COL19A1: variants seen among roughly 807,000 people sequenced by gnomAD.
The protein encoded by COL19A1 is collagen alpha-1(XIX) chain.
Under a neutral mutation model 190.2 loss-of-function variants are expected in COL19A1, and 159 were observed. That is an observed-to-expected ratio of 0.84 (90% CI 0.73 to 0.95). The LOEUF (loss-of-function observed/expected upper bound fraction) is 0.95. COL19A1 is among the 40% of genes least tolerant of loss of function. The pLI, the probability that COL19A1 is intolerant of heterozygous loss-of-function variation, is 0.00. For missense variants in COL19A1, 1,418 were observed against 1,431.9 expected, an observed-to-expected ratio of 0.99 and a Z score of 0.16; for synonymous variants, 509 against 458.9, an observed-to-expected ratio of 1.11 and a Z score of -1.39.
chr6:69,894,970 A>G lies in COL19A1; in HGVS notation c.92-3978A>G, dbSNP rs73749320. On this transcript the variant is annotated intron_variant, in intron 2 of 50. Transcript: ENST00000620364. ...TGGAGTGGAGAGGAGGAAAGAAAAA[A>G]CATTTTTTAATGCTTGAGGAAGAAC... 7.7e-3 allele frequency among the ~76,000 whole-genome samples: 1,179 copies of G among 152,338 alleles called. 17 individuals carry two copies. Among genetic ancestry groups the G allele is most frequent in the African/African-American group, 0.026 (1,096 of 41,570 alleles).
At chr6:70,153,320 A>C (rs1787195914) in intron 31 of COL19A1, among the ~76,000 whole-genome samples, 1 of 152,176 alleles carries the variant, frequency 6.6e-6, no homozygotes, top group African/African-American at 2.4e-5. Flanking sequence ...TGATTAAAGT[A>C]TTAAAAAGAA....
At chr6:70,022,519 G>C (rs79931683) in intron 11 of COL19A1, among the ~76,000 whole-genome samples, 1 of 152,060 alleles carries the variant, frequency 6.6e-6, no homozygotes, top group Non-Finnish European at 1.5e-5. Context: ...ATGTAGAAAG[G>C]CATTTTCAAA....
intron 3 of COL19A1, 143 bp downstream of exon 3, chr6:69,899,165 ATTTTTT>A: frequency 7.0e-6 from 3 of 425,908 alleles, no homozygotes; most frequent in Non-Finnish European, 1.3e-5. Context: ...ATTCTTTTTA[ATTTTTT>A]TTTTTTTTTT....
At chr6:70,192,117 A>G (rs1005660078) in intron 48 of COL19A1, among the ~76,000 whole-genome samples, 1 of 151,994 alleles carries the variant, frequency 6.6e-6, no homozygotes, top group Non-Finnish European at 1.5e-5. Context: ...CTGGAGTGCA[A>G]TGACGCGATC....
At chr6:69,992,778 T>C (rs149986916) in intron 11 of COL19A1, among the ~76,000 whole-genome samples, 325 of 152,240 alleles carry the variant, frequency 2.1e-3, no homozygotes, top group African/African-American at 7.6e-3. Context: ...TCTATGGGAA[T>C]GCTACTGATT....
intron 15 of COL19A1, among the ~76,000 whole-genome samples, chr6:70,068,947 T>C (rs1336466360): frequency 1.3e-5 from 2 of 152,100 alleles, no homozygotes; most frequent in Non-Finnish European, 2.9e-5. Context: ...ATCGTTGGAA[T>C]TGGTAGTAGA....
intron 16 of COL19A1, among the ~76,000 whole-genome samples, chr6:70,106,282 G>A (rs923079656): frequency 6.6e-6 from 1 of 151,698 alleles, no homozygotes; most frequent in Non-Finnish European, 1.5e-5. Context: ...GTACCAAAAG[G>A]ACAACTTGTT....
intron 11 of COL19A1, among the ~76,000 whole-genome samples, chr6:69,998,525 A>T (rs1482401241): frequency 6.6e-6 from 1 of 151,840 alleles, no homozygotes; most frequent in African/African-American, 2.4e-5. Flanking sequence ...GCATACCTGT[A>T]ATCCCAGCAA....
At chr6:70,199,787 TATAAC>T (rs1767437648) in intron 49 of COL19A1, 51 bp downstream of exon 49, 4 of 1,536,546 alleles carry the variant, frequency 2.6e-6, no homozygotes, top group Non-Finnish European at 3.5e-6. Context: ...TCTCTGTATT[TATAAC>T]ATGTTAGTCA....
chr6:70,140,477 G>GT (rs1267934901), intron 19 of COL19A1, among the ~76,000 whole-genome samples: 1 of 151,930 alleles, frequency 6.6e-6, no homozygotes, highest in African/African-American at 2.4e-5. Context: ...TTTCATTAAA[G>GT]TAAAAATAAA....
intron 14 of COL19A1, among the ~76,000 whole-genome samples, chr6:70,054,955 GA>G (rs1274053796): frequency 1.3e-5 from 2 of 151,972 alleles, no homozygotes; most frequent in African/African-American, 2.4e-5. Flanking sequence ...CTATATAGGG[GA>G]AAAAATACCC....
intron 1 of COL19A1, among the ~76,000 whole-genome samples, chr6:69,868,890 G>T (rs1767646797): frequency 2.0e-5 from 3 of 152,196 alleles, no homozygotes. Flanking sequence ...TGGTTCTAGA[G>T]GCGGAAGAAG....
chr6:69,955,300 A>G (rs1226326293), intron 9 of COL19A1, among the ~76,000 whole-genome samples: 1 of 152,092 alleles, frequency 6.6e-6, no homozygotes, highest in Non-Finnish European at 1.5e-5. Context: ...TCTCCAAGAC[A>G]TTTCAAAATT....
chr6:70,162,513 A>C (rs1787872600), intron 35 of COL19A1, among the ~76,000 whole-genome samples: 1 of 152,184 alleles, frequency 6.6e-6, no homozygotes, highest in Non-Finnish European at 1.5e-5. Context: ...CTCTCATTCA[A>C]ACAGTTTAAT....
intron 48 of COL19A1, among the ~76,000 whole-genome samples, chr6:70,194,817 G>A (rs1767088858): frequency 6.6e-6 from 1 of 152,040 alleles, no homozygotes. Flanking sequence ...AGTCAAACAT[G>A]GGACCAATAA....
intron 11 of COL19A1, among the ~76,000 whole-genome samples, chr6:69,992,770 T>A (rs1372065352): frequency 6.6e-5 from 10 of 152,074 alleles, no homozygotes; most frequent in Non-Finnish European, 1.0e-4. Context: ...ATTGTTGATC[T>A]ATGGGAATGC....
chr6:70,005,913 G>A (rs1777592023), intron 11 of COL19A1, among the ~76,000 whole-genome samples: 1 of 152,202 alleles, frequency 6.6e-6, no homozygotes, highest in African/African-American at 2.4e-5. Flanking sequence ...ATGAGTCAGA[G>A]TCAGGCCTGA....
At position 70,122,024 on chromosome 6, in the gene COL19A1, T is replaced by C. The variant is rs184841381; in HGVS notation, c.1341+82T>C. Reference sequence around the variant, plus strand: ...TTTTGAAAAAAAACTTATTAATTCCTAACTTCTCAGACTTTTATACATGAT... The same window carrying C: ...TTTTGAAAAAAAACTTATTAATTCCCAACTTCTCAGACTTTTATACATGAT... On this transcript the variant is annotated intron_variant, in intron 17 of 50. Coordinates refer to ENST00000620364, the MANE Select transcript of COL19A1 (RefSeq NM_001858.6). The C allele has an allele frequency of 1.0e-5, 9 of 867,644 alleles. No homozygotes were observed. The Admixed American group carries it at 2.3e-4, about 22-fold the overall frequency. 53.7% of individuals were successfully genotyped at this position (867,644 alleles called of 1,614,324 possible).
At chr6:70,099,271 T>C (rs925558717) in intron 15 of COL19A1, among the ~76,000 whole-genome samples, 15 of 151,818 alleles carry the variant, frequency 9.9e-5, no homozygotes, top group African/African-American at 2.7e-4. Flanking sequence ...GCATCCCTAA[T>C]CTGAAAATTC....
Sources: gnomAD v4.1 joint callset for allele counts (sites outside exome capture counted in the v4.1 genomes callset) on GRCh38, gnomAD v4.1.1 for gene constraint, MANE v1.5 for transcripts, NCBI Gene and HGNC (gene_info 2026-07-23, HGNC 2026-07-21) for gene names.